Variants in ASS1 observed in about 807,000 individuals in gnomAD.
The protein encoded by ASS1 is argininosuccinate synthase.
A neutral mutation model predicts 60.5 loss-of-function variants in ASS1; 58 were observed. That is an observed-to-expected ratio of 0.96 (90% confidence interval 0.78 to 1.19). The LOEUF is 1.19. Ranked by LOEUF, ASS1 falls within the 50% of genes most tolerant of loss-of-function variation. The probability of loss-of-function intolerance (pLI) is 0.00; values close to 1 mark genes in which losing one functional copy is unlikely to be tolerated. For missense variants in ASS1, 454 were observed against 547.3 expected (o/e 0.83, Z 1.70); for synonymous variants, 200 against 206.9 (o/e 0.97, Z 0.29).
In ASS1 at chr9:130,471,015, G is replaced by A. The variant is rs537813101; in HGVS notation, c.566+111G>A. ...CCCCACACCAGTGGTCCCTGCCCTC[G>A]GGGAGCTGAGAGGCCTCAGGCAGGA... On this transcript the variant is annotated intron_variant, in intron 7 of 14. Coordinates refer to ENST00000352480, the MANE Select transcript of ASS1 (RefSeq NM_054012.4). 69 of 1,283,734 alleles carry A rather than the reference G, an allele frequency of 5.4e-5. No homozygotes were observed. The Admixed American group carries it at 9.9e-4, about 18-fold the overall frequency. 79.5% of individuals were successfully genotyped at this position (1,283,734 alleles called of 1,614,324 possible).
chr9:130,452,803 T>A (rs1845355968), intron 2 of ASS1, among the ~76,000 whole-genome samples: 1 of 152,072 alleles, frequency 6.6e-6, no homozygotes, highest in Admixed American at 6.6e-5. Context: ...AGGTGATGGG[T>A]TATGTGTGAA....
intron 13 of ASS1, among the ~76,000 whole-genome samples, chr9:130,496,578 T>C (rs1349444592): frequency 2.3e-5 from 3 of 127,820 alleles, no homozygotes; most frequent in Non-Finnish European, 1.6e-5. Flanking sequence ...GTAACAAAGC[T>C]AGGCACTGTC....
At chr9:130,499,307 G>T (rs747431872) in intron 13 of ASS1, among the ~76,000 whole-genome samples, 198 bp from the exon 14 acceptor site, 1 of 152,236 alleles carries the variant, frequency 6.6e-6, no homozygotes, top group Non-Finnish European at 1.5e-5. Flanking sequence ...CAACCTTTGG[G>T]TGGGTGCCTG....
chr9:130,448,428 A>G lies in ASS1; in HGVS notation c.-6+3433A>G, dbSNP rs976544320. On this transcript the variant is annotated intron_variant, in intron 1 of 14. Coordinates refer to ENST00000352480, the MANE Select transcript of ASS1 (RefSeq NM_054012.4). ...CACACAGGTGTGTGCGCGCGCACACACACACACACACACACACTGTCTCAG... is the reference window on the plus strand; with the variant it reads ...CACACAGGTGTGTGCGCGCGCACACGCACACACACACACACACTGTCTCAG... Among the ~76,000 whole-genome samples, 14 of 150,388 alleles carry G rather than the reference A, an allele frequency of 9.3e-5. 1 individual carries two copies. The South Asian group carries it at 1.0e-3, about 11-fold the overall frequency.
intron 3 of ASS1, 79 bp downstream of exon 3, chr9:130,454,452 G>T (rs1845392193): frequency 2.1e-6 from 3 of 1,410,820 alleles, no homozygotes; most frequent in Non-Finnish European, 3.0e-6. Flanking sequence ...CCTGCCCCAG[G>T]GATCCCATCC....
chr9:130,480,308 C>T, intron 10 of ASS1, 77 bp from the exon 11 acceptor site: 1 of 1,547,226 alleles, frequency 6.5e-7, no homozygotes, highest in Non-Finnish European at 8.9e-7. Flanking sequence ...TGTGCCCACC[C>T]TGGGACAGCC....
At position 130,501,196 on chromosome 9, in the gene ASS1, C is replaced by T. The variant is rs1846748008; in HGVS notation, c.*175C>T. The T allele has an allele frequency of 1.5e-6, 1 of 684,816 alleles. No homozygotes were observed. The highest frequency in any genetic ancestry group is 2.5e-6 in the Non-Finnish European group (1 of 396,490). 42.4% of individuals were successfully genotyped at this position (684,816 alleles called of 1,614,324 possible). On this transcript the variant is annotated 3_prime_UTR_variant, in exon 15 of 15. Transcript: ENST00000352480. ...CCCTGAAGCCTGCAAACGTTGTCAT[C>T]GAAGGGAAGGGTGGGGGGCAGCTGC...
At position 130,501,103 on chromosome 9, in the gene ASS1, A is replaced by G. The variant is rs1223721094; in HGVS notation, c.*82A>G. 3 of 1,465,480 alleles carry G rather than the reference A, an allele frequency of 2.0e-6. No individual in the cohort carries two copies. The highest frequency in any genetic ancestry group is 2.8e-6 in the Non-Finnish European group (3 of 1,057,832). 90.8% of individuals were successfully genotyped at this position (1,465,480 alleles called of 1,614,324 possible). On this transcript the variant is annotated 3_prime_UTR_variant, in exon 15 of 15. Coordinates refer to ENST00000352480, the MANE Select transcript of ASS1 (RefSeq NM_054012.4). The stretch of plus-strand genomic sequence containing the variant: ...GCGCTAATTGTTGTGATAATTTGTA[A>G]TTGTGACTTGTTCTCCCCGGCTGGC...
intron 4 of ASS1, among the ~76,000 whole-genome samples, chr9:130,462,661 C>T (rs1307569688): frequency 1.3e-5 from 2 of 152,172 alleles, no homozygotes; most frequent in African/African-American, 2.4e-5. Context: ...CATGCAACGT[C>T]GGACCATGCC....
chr9:130,484,094 C>G (rs1195387733), intron 11 of ASS1, among the ~76,000 whole-genome samples: 1 of 152,162 alleles, frequency 6.6e-6, no homozygotes, highest in Non-Finnish European at 1.5e-5. Flanking sequence ...CCCACCCTGA[C>G]TGGCCTCCCA....
chr9:130,455,433 G>A (rs548034290), intron 3 of ASS1, among the ~76,000 whole-genome samples: 22 of 148,244 alleles, frequency 1.5e-4, no homozygotes, highest in Non-Finnish European at 2.2e-4. Context: ...TCCATTCACC[G>A]TTTTTCTATC....
At chr9:130,454,264 C>T in intron 2 of ASS1, 41 bp from the exon 3 acceptor site, 2 of 1,595,966 alleles carry the variant, frequency 1.3e-6, no homozygotes, top group South Asian at 2.3e-5. Context: ...CTCAGGGCTC[C>T]CCCCAGGGGC....
chr9:130,488,431 G>A lies in ASS1; in HGVS notation c.839-902G>A, dbSNP rs1394670269. On this transcript the variant is annotated intron_variant, in intron 11 of 14. Coordinates refer to ENST00000352480, the MANE Select transcript of ASS1 (RefSeq NM_054012.4). This position sits in a 1 kb window ranked among gnomAD's most constrained non-coding sequence, Gnocchi z 5.2. ...GTTGATGCGAGAGGTCGCACTCCTG[G>A]GGCAAGAGGGGGCCTGGGCTGTGTG... Among the ~76,000 whole-genome samples, 3 of 152,194 alleles carry A rather than the reference G, an allele frequency of 2.0e-5. No homozygotes were observed. The highest frequency in any genetic ancestry group is 4.8e-5 in the African/African-American group (2 of 41,452).
intron 11 of ASS1, among the ~76,000 whole-genome samples, chr9:130,487,234 T>C (rs944368324): frequency 1.3e-5 from 2 of 152,172 alleles, no homozygotes; most frequent in Non-Finnish European, 2.9e-5. Context: ...CGGTACCGGA[T>C]TGATCCTAAT....
At position 130,478,947 on chromosome 9, in the gene ASS1, C is replaced by T. The variant is rs564880991; in HGVS notation, c.689-769C>T. On this transcript the variant is annotated intron_variant, in intron 9 of 14. Coordinates refer to ENST00000352480, the MANE Select transcript of ASS1 (RefSeq NM_054012.4). This position sits in a 1 kb window ranked among gnomAD's most constrained non-coding sequence, Gnocchi z 4.7. ...GATGGCTCGCTCCATGGTAATGAGC[C>T]GGGCAGATGGGTGGGGGATTAGCCG... Among the ~76,000 whole-genome samples, 4 of 152,266 alleles carry T rather than the reference C, an allele frequency of 2.6e-5. No homozygotes were observed. Among genetic ancestry groups the T allele is most frequent in the East Asian group, 3.9e-4 (2 of 5,170 alleles).
At chr9:130,473,100 G>T (rs960179508) in intron 8 of ASS1, among the ~76,000 whole-genome samples, 1 of 152,200 alleles carries the variant, frequency 6.6e-6, no homozygotes, top group African/African-American at 2.4e-5. Context: ...GGAGAAGTCA[G>T]TACTAAAGAG....
chr9:130,480,101 T>C (rs955633585), intron 10 of ASS1, among the ~76,000 whole-genome samples: 11 of 152,176 alleles, frequency 7.2e-5, no homozygotes, highest in Non-Finnish European at 1.2e-4. Context: ...AAGGGAGCAG[T>C]AGTTAGCTGT....
intron 11 of ASS1, among the ~76,000 whole-genome samples, chr9:130,480,870 C>T (rs775163804): frequency 6.6e-6 from 1 of 152,190 alleles, no homozygotes; most frequent in Non-Finnish European, 1.5e-5. Flanking sequence ...CAGGGGTGGG[C>T]GCTGTGGCTG....
intron 1 of ASS1, chr9:130,450,245 G>A: frequency 1.0e-6 from 1 of 987,654 alleles, no homozygotes; most frequent in African/African-American, 1.7e-5. Flanking sequence ...GCTACCTGCA[G>A]GCAGCTGAGT....
Sources: gnomAD v4.1 joint callset for allele counts (sites outside exome capture counted in the v4.1 genomes callset) on GRCh38, gnomAD v4.1.1 for gene constraint, Gnocchi (gnomAD v3.1) non-coding constraint, MANE v1.5 for transcripts, NCBI Gene and HGNC (gene_info 2026-07-23, HGNC 2026-07-21) for gene names.